Variants in MYT1L observed in about 807,000 individuals in gnomAD.
MYT1L encodes the protein myelin transcription factor 1-like protein.
In MYT1L, 12 loss-of-function variants were observed where a neutral mutation model predicts 126.7. The observed-to-expected ratio is 0.09, with a 90% confidence interval of 0.06 to 0.15. The LOEUF is 0.15. Ranked by LOEUF, MYT1L falls within the 10% of genes least tolerant of loss-of-function variation. MYT1L has a pLI of 1.00. For synonymous variants in MYT1L, 541 were observed against 604.2 expected, an observed-to-expected ratio of 0.90 and a Z score of 1.53; for missense variants, 979 against 1,585.2, an observed-to-expected ratio of 0.62 and a Z score of 6.49.
intron 16 of MYT1L, among the ~76,000 whole-genome samples, chr2:1,888,647 T>G (rs2048445403): frequency 1.3e-5 from 2 of 152,222 alleles, no homozygotes; most frequent in South Asian, 4.1e-4. Context: ...TAAAGGGCAT[T>G]ATATCTATTT....
intron 2 of MYT1L, among the ~76,000 whole-genome samples, chr2:2,262,164 A>G (rs2094984969): frequency 6.6e-6 from 1 of 152,200 alleles, no homozygotes. Flanking sequence ...GCACTAAATA[A>G]ATATTTGTGA....
At chr2:2,155,799 T>C (rs2086627607) in intron 3 of MYT1L, among the ~76,000 whole-genome samples, 1 of 152,174 alleles carries the variant, frequency 6.6e-6, no homozygotes, top group Non-Finnish European at 1.5e-5. Flanking sequence ...TCACATCATC[T>C]TTCACCACGG....
chr2:1,984,096 A>T (rs1463088769), intron 5 of MYT1L, among the ~76,000 whole-genome samples: 1 of 152,176 alleles, frequency 6.6e-6, no homozygotes, highest in Non-Finnish European at 1.5e-5. Flanking sequence ...ATTATTTCCT[A>T]ATATGAAAAC....
At chr2:2,137,571 G>C (rs911660759) in intron 3 of MYT1L, among the ~76,000 whole-genome samples, 4 of 152,070 alleles carry the variant, frequency 2.6e-5, no homozygotes, top group Non-Finnish European at 4.4e-5. Context: ...ACAAACCTGC[G>C]AAAAACAAGC....
chr2:2,102,560 C>T (rs959802030), intron 3 of MYT1L, among the ~76,000 whole-genome samples: 7 of 151,400 alleles, frequency 4.6e-5, no homozygotes, highest in Non-Finnish European at 7.4e-5. Context: ...TCTGCTACAC[C>T]GTTCTACTGT....
At chr2:2,047,195 C>A (rs2068288125) in intron 4 of MYT1L, among the ~76,000 whole-genome samples, 1 of 152,190 alleles carries the variant, frequency 6.6e-6, no homozygotes, top group South Asian at 2.1e-4. Context: ...AAGATTTATT[C>A]ATTTCATTTC....
chr2:2,265,029 ATTT>A (rs1217505229), intron 2 of MYT1L, among the ~76,000 whole-genome samples: 1 of 144,388 alleles, frequency 6.9e-6, no homozygotes. Flanking sequence ...GTCTTTTTTA[ATTT>A]TTTTTTTTTT....
intron 3 of MYT1L, among the ~76,000 whole-genome samples, chr2:2,091,355 T>A (rs2076901837): frequency 6.6e-6 from 1 of 152,230 alleles, no homozygotes; most frequent in South Asian, 2.1e-4. Flanking sequence ...CAATAAGCAG[T>A]AATATTTTGA....
intron 2 of MYT1L, among the ~76,000 whole-genome samples, chr2:2,216,128 T>A (rs1327992897): frequency 2.0e-5 from 3 of 151,946 alleles, no homozygotes; most frequent in African/African-American, 7.3e-5. Flanking sequence ...CAGATGCTGG[T>A]GCCATGATTC....
intron 3 of MYT1L, among the ~76,000 whole-genome samples, chr2:2,061,749 G>C (rs2070537038): frequency 6.6e-6 from 1 of 152,122 alleles, no homozygotes; most frequent in African/African-American, 2.4e-5. Context: ...GATTGCTTGT[G>C]GTCTGACAGG....
intron 3 of MYT1L, among the ~76,000 whole-genome samples, chr2:2,150,039 C>T (rs1024714657): frequency 1.3e-5 from 2 of 152,170 alleles, no homozygotes; most frequent in Non-Finnish European, 2.9e-5. Context: ...CCTCTCTCAC[C>T]TCGCCTCTCT....
intron 9 of MYT1L, among the ~76,000 whole-genome samples, chr2:1,937,246 C>T (rs902862611): frequency 6.6e-6 from 1 of 152,252 alleles, no homozygotes; most frequent in Non-Finnish European, 1.5e-5. Flanking sequence ...GGCCTCCATG[C>T]CTTGCCCAGA....
chr2:1,924,618 A>T (rs1483368767), intron 9 of MYT1L, among the ~76,000 whole-genome samples: 2 of 152,254 alleles, frequency 1.3e-5, no homozygotes, highest in African/African-American at 4.8e-5. Flanking sequence ...TATCCTTATT[A>T]TCCCACGCTG....
intron 9 of MYT1L, among the ~76,000 whole-genome samples, chr2:1,928,984 G>T (rs1287366708): frequency 6.6e-6 from 1 of 152,086 alleles, no homozygotes; most frequent in Non-Finnish European, 1.5e-5. Flanking sequence ...GGAGGGAACT[G>T]GGGGTACAGG....
chr2:2,295,635 CAGAG>C (rs74164562), intron 1 of MYT1L, among the ~76,000 whole-genome samples: 17 of 7,320 alleles, frequency 2.3e-3, no homozygotes, highest in Non-Finnish European at 3.6e-3. Context: ...GACAGACAGA[CAGAG>C]AGAGAGATAG....
chr2:2,111,342 T>C (rs2079429437), intron 3 of MYT1L, among the ~76,000 whole-genome samples: 1 of 152,078 alleles, frequency 6.6e-6, no homozygotes, highest in Non-Finnish European at 1.5e-5. Flanking sequence ...AGGAGCGTCC[T>C]CCCATCCTCC....
chr2:2,228,109 C>G lies in MYT1L; in HGVS notation c.-420-55121G>C, dbSNP rs17039409. On this transcript the variant is annotated intron_variant, in intron 2 of 24. Transcript: ENST00000647738. This position sits in a 1 kb window ranked among gnomAD's most constrained non-coding sequence, Gnocchi z 5.9. Reference sequence around the variant, plus strand: ...TTGTTGATGTTCAGACCATGTATATCTCTATGCAAGGATTACAGATAATAT... The same window carrying G: ...TTGTTGATGTTCAGACCATGTATATGTCTATGCAAGGATTACAGATAATAT... 0.012 allele frequency among the ~76,000 whole-genome samples: 1,828 copies of G among 152,278 alleles called. 39 individuals carry two copies. The highest frequency in any genetic ancestry group is 0.042 in the African/African-American group (1,752 of 41,552).
Position 2,066,529 on chromosome 2 carries a change from A to T in MYT1L, c.-303-12406T>A, listed in dbSNP as rs2073902499. 2.6e-5 allele frequency among the ~76,000 whole-genome samples: 4 copies of T among 152,288 alleles called. No homozygotes were observed. The South Asian group carries it at 8.3e-4, about 32-fold the overall frequency. On this transcript the variant is annotated intron_variant, in intron 3 of 24. Coordinates refer to ENST00000647738, the MANE Select transcript of MYT1L (RefSeq NM_001303052.2). ...TGAATTTAAATAATATTTGTTTCTCATTCTTACCAAAGTGCTGACCTACAA... is the reference window on the plus strand; with the variant it reads ...TGAATTTAAATAATATTTGTTTCTCTTTCTTACCAAAGTGCTGACCTACAA...
chr2:1,913,153 T>C (rs1445359341), intron 11 of MYT1L, among the ~76,000 whole-genome samples: 2 of 152,234 alleles, frequency 1.3e-5, no homozygotes, highest in African/African-American at 4.8e-5. Context: ...AACCTCTCTC[T>C]TTCCCCTGCA....
Sources: allele counts gnomAD v4.1 joint callset (sites outside exome capture counted in the v4.1 genomes callset), GRCh38; gene constraint gnomAD v4.1.1; non-coding constraint Gnocchi (gnomAD v3.1); transcripts MANE v1.5; gene names NCBI Gene and HGNC (gene_info 2026-07-23, HGNC 2026-07-21).